The following ZNF385D variants were observed in gnomAD, a reference collection of about 807,000 sequenced individuals.
ZNF385D encodes the protein zinc finger protein 385D, also known as zinc finger protein 659.
In ZNF385D, 15 loss-of-function variants were observed where a neutral mutation model predicts 35.8. The ratio of observed to expected loss-of-function variants is 0.42; its 90% CI spans 0.28 to 0.64. The LOEUF (loss-of-function observed/expected upper bound fraction) is 0.64, where lower values mean the gene tolerates loss of function less well. Among genes scored for constraint, ZNF385D ranks in the 30% least tolerant of loss-of-function variants. The pLI, the probability that ZNF385D is intolerant of heterozygous loss-of-function variation, is 0.23. For missense variants in ZNF385D, 474 were observed against 494.6 expected, an observed-to-expected ratio of 0.96 and a Z score of 0.39; for synonymous variants, 212 against 186.8, an observed-to-expected ratio of 1.13 and a Z score of -1.10.
In ZNF385D at chr3:22,218,370, T is replaced by C. The variant is rs150277324; in HGVS notation, c.107-49335A>G. On this transcript the variant is annotated intron_variant, in intron 2 of 5. Transcript: ENST00000494108. Reference sequence around the variant, plus strand: ...TTATTGCTGGTAAACAGAAATACAATTGACTTTTGAAAACTAACTTTGTAT... The same window carrying C: ...TTATTGCTGGTAAACAGAAATACAACTGACTTTTGAAAACTAACTTTGTAT... 1.3e-3 allele frequency among the ~76,000 whole-genome samples: 198 copies of C among 152,114 alleles called. 1 individual carries two copies. The highest frequency in any genetic ancestry group is 4.4e-3 in the African/African-American group (183 of 41,548).
chr3:21,933,234 T>C (rs1009501446), intron 3 of ZNF385D, among the ~76,000 whole-genome samples: 1 of 152,206 alleles, frequency 6.6e-6, no homozygotes, highest in Non-Finnish European at 1.5e-5. Flanking sequence ...CTCTTTTCCC[T>C]CCACACCTGA....
At chr3:21,551,819 T>G (rs897388543) in intron 3 of ZNF385D, among the ~76,000 whole-genome samples, 3 of 152,114 alleles carry the variant, frequency 2.0e-5, no homozygotes, top group Non-Finnish European at 4.4e-5. Flanking sequence ...TTATGACATT[T>G]TAAAAGTTAT....
chr3:21,598,194 A>G lies in ZNF385D; in HGVS notation c.166-33510T>C, dbSNP rs182224124. On this transcript the variant is annotated intron_variant, in intron 2 of 7. Coordinates refer to ENST00000281523, the MANE Select transcript of ZNF385D (RefSeq NM_024697.3). ...TGTTTTCATCATTTTCAAAGACGGTATCTATAAAGATATACTTAGCTTGAT... is the reference window on the plus strand; with the variant it reads ...TGTTTTCATCATTTTCAAAGACGGTGTCTATAAAGATATACTTAGCTTGAT... Among the ~76,000 whole-genome samples, 3 of 152,330 alleles carry G rather than the reference A, an allele frequency of 2.0e-5. No individual in the cohort carries two copies. The East Asian group carries it at 5.8e-4, about 29-fold the overall frequency.
intron 3 of ZNF385D, among the ~76,000 whole-genome samples, chr3:22,042,216 C>A (rs1698709369): frequency 6.6e-6 from 1 of 152,074 alleles, no homozygotes; most frequent in African/African-American, 2.4e-5. Flanking sequence ...TGGGAATCCT[C>A]TACAAACCTC....
chr3:21,846,928 A>T (rs1696042573), intron 3 of ZNF385D, among the ~76,000 whole-genome samples: 1 of 152,036 alleles, frequency 6.6e-6, no homozygotes, highest in South Asian at 2.1e-4. Flanking sequence ...GGTTTGCCTG[A>T]TTTCCTTAAT....
At chr3:22,339,745 T>C (rs2125476098) in intron 2 of ZNF385D, among the ~76,000 whole-genome samples, 1 of 152,356 alleles carries the variant, frequency 6.6e-6, no homozygotes, top group South Asian at 2.1e-4. Flanking sequence ...CACTGGTTTC[T>C]GCCTTCACTA....
chr3:21,657,366 T>C (rs938143897), intron 2 of ZNF385D, among the ~76,000 whole-genome samples: 6 of 152,000 alleles, frequency 3.9e-5, no homozygotes, highest in African/African-American at 9.7e-5. Flanking sequence ...ATAGTGTATA[T>C]TGAAGTCATT....
chr3:21,652,060 A>G (rs914882797), intron 2 of ZNF385D, among the ~76,000 whole-genome samples: 1 of 152,206 alleles, frequency 6.6e-6, no homozygotes, highest in Non-Finnish European at 1.5e-5. Flanking sequence ...AAAACCAGAA[A>G]TTTTACTAAT....
At chr3:22,016,345 A>T (rs1213435392) in intron 3 of ZNF385D, among the ~76,000 whole-genome samples, 1 of 152,126 alleles carries the variant, frequency 6.6e-6, no homozygotes, top group African/African-American at 2.4e-5. Flanking sequence ...CAATGGCATT[A>T]GTGCTGAGGC....
At chr3:22,004,678 A>G (rs1233007956) in intron 3 of ZNF385D, among the ~76,000 whole-genome samples, 1 of 152,178 alleles carries the variant, frequency 6.6e-6, no homozygotes, top group Non-Finnish European at 1.5e-5. Flanking sequence ...CAAAGGACAG[A>G]CAGAACTCAA....
At position 22,151,480 on chromosome 3, in the gene ZNF385D, T is replaced by A. The variant is rs144857298; in HGVS notation, c.325+17337A>T. On this transcript the variant is annotated intron_variant, in intron 3 of 5. Coordinates refer to the ZNF385D transcript ENST00000494108. ...CTACAGTTGATGGATTATGTGTACA[T>A]TGAAGTTCCAAATTCACTCAATTTA... 3.7e-4 allele frequency among the ~76,000 whole-genome samples: 57 copies of A among 152,270 alleles called. 1 individual carries two copies. Among genetic ancestry groups the A allele is most frequent in the African/African-American group, 1.3e-3 (55 of 41,564 alleles).
At chr3:22,107,016 T>G (rs560958217) in intron 3 of ZNF385D, among the ~76,000 whole-genome samples, 2 of 137,496 alleles carry the variant, frequency 1.5e-5, no homozygotes, top group African/African-American at 5.4e-5. Flanking sequence ...GCAAAAACTT[T>G]GGAATGAGAG....
At chr3:21,888,523 A>G (rs1698672538) in intron 3 of ZNF385D, among the ~76,000 whole-genome samples, 1 of 152,150 alleles carries the variant, frequency 6.6e-6, no homozygotes, top group East Asian at 1.9e-4. Context: ...CAAACACCAG[A>G]AGGAACAACC....
chr3:21,990,260 A>G (rs17010543), intron 3 of ZNF385D, among the ~76,000 whole-genome samples: 5,079 of 152,286 alleles, frequency 0.033, 125 homozygotes, highest in East Asian at 0.12. Flanking sequence ...CACTGGCATA[A>G]ATGTAATACT....
chr3:22,370,657 G>C (rs868337854), intron 2 of ZNF385D, among the ~76,000 whole-genome samples: 1 of 152,156 alleles, frequency 6.6e-6, no homozygotes, highest in Admixed American at 6.5e-5. Flanking sequence ...TGCAATCTTG[G>C]ATTACAAAAC....
intron 2 of ZNF385D, among the ~76,000 whole-genome samples, chr3:22,349,634 C>T (rs1409062120): frequency 6.6e-6 from 1 of 152,036 alleles, no homozygotes; most frequent in Non-Finnish European, 1.5e-5. Context: ...TCTGGAAATC[C>T]TTCATTTTAA....
At chr3:21,764,212 G>C (rs1346824728) in intron 3 of ZNF385D, among the ~76,000 whole-genome samples, 1 of 152,166 alleles carries the variant, frequency 6.6e-6, no homozygotes, top group Non-Finnish European at 1.5e-5. Flanking sequence ...CAAAGACCCA[G>C]AGGATAAAGC....
intron 2 of ZNF385D, among the ~76,000 whole-genome samples, chr3:22,226,627 A>G (rs1698572353): frequency 1.3e-5 from 2 of 152,218 alleles, no homozygotes; most frequent in African/African-American, 4.8e-5. Flanking sequence ...TGTTTATGAT[A>G]TGCTTTGCTA....
At chr3:22,200,473 C>T (rs748663176) in intron 2 of ZNF385D, among the ~76,000 whole-genome samples, 1 of 151,966 alleles carries the variant, frequency 6.6e-6, no homozygotes, top group Non-Finnish European at 1.5e-5. Context: ...AAGTACTTCA[C>T]AAGGTAATAG....
Sources: allele counts gnomAD v4.1 joint callset (sites outside exome capture counted in the v4.1 genomes callset), GRCh38; gene constraint gnomAD v4.1.1; transcripts MANE v1.5; gene names NCBI Gene and HGNC (gene_info 2026-07-23, HGNC 2026-07-21).